The following DISC1 variants were observed in gnomAD, a reference collection of about 807,000 sequenced individuals.
The protein encoded by DISC1 is DISC1 scaffold protein.
In DISC1, 57 loss-of-function variants were observed where a neutral mutation model predicts 84.5. The ratio of observed to expected loss-of-function variants is 0.67; its 90% CI spans 0.55 to 0.84. The LOEUF is 0.84. Among genes scored for constraint, DISC1 ranks in the 40% least tolerant of loss-of-function variants. The pLI, the probability that DISC1 is intolerant of heterozygous loss-of-function variation, is 0.00. For synonymous variants in DISC1, 411 were observed against 415.2 expected (o/e 0.99, Z 0.12); for missense variants, 1,000 against 1,057.8 (o/e 0.95, Z 0.76).
At position 231,677,186 on chromosome 1, in the gene DISC1, T is replaced by G. The variant is rs564477182; in HGVS notation, c.68-16640T>G. Among the ~76,000 whole-genome samples the G allele has an allele frequency of 3.3e-5, 5 of 152,358 alleles. No homozygotes were observed. In the East Asian group the frequency reaches 5.8e-4, roughly 18 times the overall value. On this transcript the variant is annotated intron_variant, in intron 1 of 12. Coordinates refer to ENST00000439617, the MANE Select transcript of DISC1 (RefSeq NM_018662.3). ...GATAGTTTGTAAACTTCTATTGACT[T>G]CTCTGTTTTTCTATTCGCCCATACC...
At chr1:231,972,086 G>A (rs1414222698) in intron 10 of DISC1, among the ~76,000 whole-genome samples, 1 of 152,182 alleles carries the variant, frequency 6.6e-6, no homozygotes, top group Non-Finnish European at 1.5e-5. Flanking sequence ...ACGCTGCCCG[G>A]TCTCACTTTG....
chr1:232,016,373 T>C (rs887474103), intron 11 of DISC1, among the ~76,000 whole-genome samples: 1 of 152,146 alleles, frequency 6.6e-6, no homozygotes, highest in Non-Finnish European at 1.5e-5. Context: ...AAAAGGGCCT[T>C]AGGGTTGGAT....
At chr1:231,940,378 C>A (rs1231326779) in intron 9 of DISC1, among the ~76,000 whole-genome samples, 1 of 152,188 alleles carries the variant, frequency 6.6e-6, no homozygotes, top group Non-Finnish European at 1.5e-5. Flanking sequence ...CAGGCACTCT[C>A]CCGAGCCAAG....
intron 3 of DISC1, among the ~76,000 whole-genome samples, chr1:231,717,993 C>T (rs1035555665): frequency 6.6e-6 from 1 of 152,122 alleles, no homozygotes; most frequent in Non-Finnish European, 1.5e-5. Context: ...TTGCCATATC[C>T]CCTATTACAA....
In DISC1 at chr1:231,626,833, C is replaced by T; in HGVS notation, c.-35C>T. On this transcript the variant is annotated 5_prime_UTR_variant, in exon 1 of 13. Coordinates refer to ENST00000439617, the MANE Select transcript of DISC1 (RefSeq NM_018662.3). ...GCCTCGGGGAAGGAGCAGGAGGCAG[C>T]CCAGGCGGAGCGGGAGGAGCTGGCA... 1 of 1,419,696 alleles carries T rather than the reference C, an allele frequency of 7.0e-7. No individual in the cohort carries two copies. Among genetic ancestry groups the T allele is most frequent in the Admixed American group, 3.1e-5 (1 of 32,214 alleles). 87.9% of individuals were successfully genotyped at this position (1,419,696 alleles called of 1,614,324 possible).
chr1:231,893,579 ATGTGTTTG>A (rs1249231583), intron 9 of DISC1, among the ~76,000 whole-genome samples: 2 of 152,156 alleles, frequency 1.3e-5, no homozygotes, highest in African/African-American at 4.8e-5. Context: ...TGGCTTTGCC[ATGTGTTTG>A]TGGGTTGGGT....
intron 9 of DISC1, among the ~76,000 whole-genome samples, chr1:231,862,776 T>G (rs893622712): frequency 5.3e-5 from 8 of 152,214 alleles, no homozygotes; most frequent in African/African-American, 1.9e-4. Context: ...CATGTGATCA[T>G]TTCAAAATGA....
intron 11 of DISC1, among the ~76,000 whole-genome samples, chr1:232,017,454 T>A (rs1423102472): frequency 6.6e-6 from 1 of 151,498 alleles, no homozygotes; most frequent in Admixed American, 6.6e-5. Flanking sequence ...AACAGTTGGC[T>A]TGATGGCCAT....
chr1:231,997,181 T>A (rs1013451324), intron 10 of DISC1, among the ~76,000 whole-genome samples: 2 of 152,188 alleles, frequency 1.3e-5, no homozygotes, highest in African/African-American at 4.8e-5. Context: ...TAAGAGAAGT[T>A]TGGGGACTAC....
chr1:231,671,045 T>C lies in DISC1; in HGVS notation c.68-22781T>C, dbSNP rs577780481. 2.0e-5 allele frequency among the ~76,000 whole-genome samples: 3 copies of C among 152,334 alleles called. No homozygotes were observed. The South Asian group carries it at 6.2e-4, about 32-fold the overall frequency. On this transcript the variant is annotated intron_variant, in intron 1 of 12. Coordinates refer to ENST00000439617, the MANE Select transcript of DISC1 (RefSeq NM_018662.3). ...TGAATATTGCCTTGGAAGCCAGCTT[T>C]AATTTTGCCCTTTGTACATGACTTG...
intron 10 of DISC1, among the ~76,000 whole-genome samples, chr1:231,976,440 G>A (rs1255562374): frequency 6.6e-6 from 1 of 152,138 alleles, no homozygotes; most frequent in African/African-American, 2.4e-5. Context: ...CTTTCTTGTG[G>A]CTGCTTCAGA....
chr1:231,924,641 T>TATGGACATTTGCAACAA (rs1421366554), intron 9 of DISC1, among the ~76,000 whole-genome samples: 2 of 151,916 alleles, frequency 1.3e-5, no homozygotes, highest in African/African-American at 2.4e-5. Flanking sequence ...TGTTGCAACA[T>TATGGACATTTGCAACAA]ATGGACATTT....
intron 8 of DISC1, chr1:231,813,491 C>G (rs566342669): frequency 1.3e-5 from 2 of 152,188 alleles, no homozygotes; most frequent in Non-Finnish European, 2.9e-5. Context: ...TTGTGGCATG[C>G]GGTAGGGGGC....
intron 9 of DISC1, among the ~76,000 whole-genome samples, chr1:231,900,437 C>T (rs558193675): frequency 3.3e-4 from 50 of 152,314 alleles, no homozygotes; most frequent in African/African-American, 1.1e-3. Flanking sequence ...CTACGTGGTT[C>T]ACTAGTAGAA....
At chr1:231,933,784 A>G (rs955253141) in intron 9 of DISC1, among the ~76,000 whole-genome samples, 1 of 152,192 alleles carries the variant, frequency 6.6e-6, no homozygotes, top group Non-Finnish European at 1.5e-5. Flanking sequence ...GTATAATTAC[A>G]ACCCGAAAGT....
At chr1:231,890,944 CAA>C (rs2087159388) in intron 9 of DISC1, among the ~76,000 whole-genome samples, 3 of 152,078 alleles carry the variant, frequency 2.0e-5, no homozygotes, top group Admixed American at 2.0e-4. Context: ...CCTCCCGTGA[CAA>C]AGAGTGGGAA....
chr1:231,994,709 T>A (rs1338000384), intron 10 of DISC1, among the ~76,000 whole-genome samples: 2 of 152,156 alleles, frequency 1.3e-5, no homozygotes, highest in African/African-American at 4.8e-5. Context: ...ATGAGGATGA[T>A]GATGAGTAGC....
At chr1:231,716,147 C>T (rs1310445115) in intron 3 of DISC1, among the ~76,000 whole-genome samples, 3 of 152,028 alleles carry the variant, frequency 2.0e-5, no homozygotes, top group Admixed American at 6.5e-5. Flanking sequence ...CCGCTACCCC[C>T]GGGTGCTACA....
intron 5 of DISC1, among the ~76,000 whole-genome samples, chr1:231,770,095 A>G (rs1217879554): frequency 1.3e-5 from 2 of 152,168 alleles, no homozygotes; most frequent in African/African-American, 4.8e-5. Context: ...TTATCCCCAC[A>G]AAACATGGGA....
Sources: gnomAD v4.1 joint callset for allele counts (sites outside exome capture counted in the v4.1 genomes callset) on GRCh38, gnomAD v4.1.1 for gene constraint, MANE v1.5 for transcripts, NCBI Gene and HGNC (gene_info 2026-07-23, HGNC 2026-07-21) for gene names.